The following FRMPD4 variants were observed in gnomAD, a reference collection of about 807,000 sequenced individuals.
FRMPD4 encodes the protein FERM and PDZ domain-containing protein 4.
FRMPD4 carries 22 observed loss-of-function variants against 94.1 expected under a neutral mutation model. The observed-to-expected ratio is 0.23, with a 90% CI of 0.17 to 0.33. FRMPD4 has a LOEUF of 0.33. FRMPD4 is among the 10% of genes least tolerant of loss of function. The pLI is 1.00. For synonymous variants in FRMPD4, 631 were observed against 548.6 expected (o/e 1.15, Z -2.10); for missense variants, 1,111 against 1,339.9 (o/e 0.83, Z 2.67).
At chrX:12,205,963 G>C (rs2056687665) in intron 1 of FRMPD4, among the ~76,000 whole-genome samples, 1 of 112,213 alleles carries the variant, frequency 8.9e-6, no homozygotes, top group South Asian at 3.7e-4. Flanking sequence ...CCCAGAAAGG[G>C]CTATAGGCTC....
intron 1 of FRMPD4, among the ~76,000 whole-genome samples, chrX:12,416,977 G>A (rs1254721360): frequency 9.0e-6 from 1 of 111,108 alleles, no homozygotes; most frequent in Admixed American, 9.5e-5. Context: ...CTACTTAATT[G>A]AAAAAATTCA....
intron 2 of FRMPD4, among the ~76,000 whole-genome samples, chrX:12,504,227 C>T (rs1412191443): frequency 2.7e-5 from 3 of 112,778 alleles, no homozygotes; most frequent in Non-Finnish European, 5.6e-5. Context: ...CTCTGTTATT[C>T]TGTGAGGTGT....
At chrX:12,091,067 G>T (rs1298035231) in intron 3 of FRMPD4, among the ~76,000 whole-genome samples, 1 of 112,061 alleles carries the variant, frequency 8.9e-6, no homozygotes, top group African/African-American at 3.2e-5. Context: ...CTACAAATGT[G>T]CCTACAACAA....
At chrX:11,890,196 G>A (rs1387500464) in intron 3 of FRMPD4, among the ~76,000 whole-genome samples, 1 of 112,661 alleles carries the variant, frequency 8.9e-6, no homozygotes, top group Non-Finnish European at 1.9e-5. Context: ...GAAAATCAAA[G>A]TTTAGAGAAG....
intron 1 of FRMPD4, among the ~76,000 whole-genome samples, chrX:12,389,134 A>G (rs1019243035): frequency 3.7e-5 from 4 of 109,093 alleles, no homozygotes; most frequent in African/African-American, 1.0e-4. Flanking sequence ...GATCTACTGC[A>G]CAGTGTGGTG....
At chrX:11,844,404 C>G (rs1281379740) in intron 1 of FRMPD4, among the ~76,000 whole-genome samples, 6 of 109,873 alleles carry the variant, frequency 5.5e-5, no homozygotes, top group Non-Finnish European at 1.1e-4. Context: ...TTTATTTTAT[C>G]TTTTTCCAGC....
intron 1 of FRMPD4, among the ~76,000 whole-genome samples, chrX:12,145,960 C>T (rs760034851): frequency 3.6e-5 from 4 of 112,112 alleles, no homozygotes; most frequent in Non-Finnish European, 5.6e-5. Context: ...TTGTAAAGTG[C>T]AAATTGGATC....
intron 1 of FRMPD4, among the ~76,000 whole-genome samples, chrX:11,847,078 A>T (rs1313554837): frequency 1.3e-4 from 14 of 107,977 alleles, no homozygotes; most frequent in African/African-American, 4.7e-4. Flanking sequence ...AGAAACTACC[A>T]TCAGAGTGAA....
At chrX:11,838,337 A>G (rs1025001792) in intron 1 of FRMPD4, among the ~76,000 whole-genome samples, 3 of 111,799 alleles carry the variant, frequency 2.7e-5, no homozygotes, top group East Asian at 5.6e-4. Context: ...TAATCCAGAT[A>G]GCTCTTACAG....
intron 3 of FRMPD4, among the ~76,000 whole-genome samples, chrX:12,004,793 C>T (rs2054542619): frequency 9.1e-6 from 1 of 109,346 alleles, no homozygotes; most frequent in Non-Finnish European, 1.9e-5. Flanking sequence ...GGCTGCTAGG[C>T]CTCTGTGATG....
At chrX:12,710,141 CAGATAGAT>C (rs35465009) in intron 13 of FRMPD4, among the ~76,000 whole-genome samples, 43,297 of 100,297 alleles carry the variant, frequency 0.43, 6,531 homozygotes, top group East Asian at 0.81. Context: ...TATAGATAGA[CAGATAGAT>C]AGATAGACAG....
At chrX:12,239,662 T>C (rs1418731769) in intron 1 of FRMPD4, among the ~76,000 whole-genome samples, 1 of 112,032 alleles carries the variant, frequency 8.9e-6, no homozygotes, top group East Asian at 2.8e-4. Context: ...TTCCAGCTGC[T>C]ATAATAGAAT....
chrX:12,162,663 C>T (rs1002484550), intron 1 of FRMPD4, among the ~76,000 whole-genome samples: 3 of 111,625 alleles, frequency 2.7e-5, no homozygotes, highest in African/African-American at 9.8e-5. Flanking sequence ...ATAACATATG[C>T]TTTCAGATTT....
intron 1 of FRMPD4, among the ~76,000 whole-genome samples, chrX:12,182,494 G>C (rs1405579788): frequency 9.0e-6 from 1 of 110,499 alleles, no homozygotes; most frequent in Non-Finnish European, 1.9e-5. Context: ...ATGTTGCCTG[G>C]AACCTAGTTA....
chrX:12,054,346 G>A (rs1416980075), intron 3 of FRMPD4, among the ~76,000 whole-genome samples: 1 of 111,141 alleles, frequency 9.0e-6, no homozygotes, highest in African/African-American at 3.3e-5. Flanking sequence ...CAAGCAGGTG[G>A]GGAAAGGTGG....
intron 1 of FRMPD4, among the ~76,000 whole-genome samples, chrX:12,250,072 TTGTGTGTGTGTGTG>T (rs72178576): frequency 3.3e-5 from 3 of 91,444 alleles, no homozygotes; most frequent in Non-Finnish European, 4.3e-5. Context: ...GTTTGTGTGT[TTGTGTGTGTGTGTG>T]TGTGTGTGTG....
intron 3 of FRMPD4, among the ~76,000 whole-genome samples, chrX:11,912,798 A>AAAGAAG (rs761293765): frequency 1.8e-5 from 2 of 111,041 alleles, no homozygotes; most frequent in Non-Finnish European, 3.8e-5. Flanking sequence ...AAAAAGAAAA[A>AAAGAAG]AAGAAGAAGA....
intron 1 of FRMPD4, among the ~76,000 whole-genome samples, chrX:12,156,133 A>G (rs890240294): frequency 2.1e-4 from 24 of 111,792 alleles, no homozygotes; most frequent in Admixed American, 1.7e-3. Context: ...CTATTGGCAT[A>G]TAGTGGGAAG....
At position 12,722,244 on chromosome X, in the gene FRMPD4, C is replaced by T. The variant is rs1377730820; in HGVS notation, c.*386C>T. The T allele has an allele frequency of 9.2e-6, 1 of 109,157 alleles. No homozygotes were observed. The highest frequency in any genetic ancestry group is 1.9e-5 in the Non-Finnish European group (1 of 52,380). 9.0% of individuals were successfully genotyped at this position (109,157 alleles called of 1,213,427 possible). A position where few individuals can be genotyped will look rare whatever the true frequency, so the allele number is the denominator to read the frequency against. On this transcript the variant is annotated 3_prime_UTR_variant, in exon 17 of 17. Coordinates refer to ENST00000675598, the MANE Select transcript of FRMPD4 (RefSeq NM_001368397.1). Reference sequence around the variant, plus strand: ...TCATATTTAGAAGTAAAACACAAAACAAAAAAGAGAGAGAAAAGAAAAGAA... The same window carrying T: ...TCATATTTAGAAGTAAAACACAAAATAAAAAAGAGAGAGAAAAGAAAAGAA...
Sources: allele counts gnomAD v4.1 joint callset (sites outside exome capture counted in the v4.1 genomes callset), GRCh38; gene constraint gnomAD v4.1.1; transcripts MANE v1.5; gene names NCBI Gene and HGNC (gene_info 2026-07-23, HGNC 2026-07-21).